The following RAB3IP variants were observed in gnomAD, a reference collection of about 807,000 sequenced individuals.
RAB3IP encodes rab-3A-interacting protein.
Under a neutral mutation model 59.1 loss-of-function variants are expected in RAB3IP, and 36 were observed. That is an observed-to-expected ratio of 0.61 (90% CI 0.47 to 0.80). The LOEUF is 0.80. Among genes scored for constraint, RAB3IP ranks in the 30% least tolerant of loss-of-function variants. The pLI is 0.00. For synonymous variants in RAB3IP, 207 were observed against 191.2 expected (o/e 1.08, Z -0.68); for missense variants, 511 against 536.0 (o/e 0.95, Z 0.46).
chr12:69,773,327 T>A lies in RAB3IP; in HGVS notation c.511-11393T>A, dbSNP rs373864385. Among the ~76,000 whole-genome samples the A allele has an allele frequency of 7.2e-5, 11 of 151,826 alleles. 1 individual carries two copies. In the East Asian group the frequency reaches 1.3e-3, roughly 19 times the overall value. Reference sequence around the variant, plus strand: ...ATCTTTGACTTTCCTTTATCTGGATTTTATTTTTCTTCAGGTTTTGAAAAT... The same window carrying A: ...ATCTTTGACTTTCCTTTATCTGGATATTATTTTTCTTCAGGTTTTGAAAAT... On this transcript the variant is annotated intron_variant, in intron 3 of 10. Coordinates refer to ENST00000247833, the MANE Select transcript of RAB3IP (RefSeq NM_022456.5).
At chr12:69,784,329 T>C (rs1362399763) in intron 3 of RAB3IP, among the ~76,000 whole-genome samples, 1 of 151,890 alleles carries the variant, frequency 6.6e-6, no homozygotes, top group East Asian at 1.9e-4. Flanking sequence ...ATAAAAAAAG[T>C]GTATTTTTAT....
At chr12:69,803,091 T>G (rs1352372305) in intron 8 of RAB3IP, among the ~76,000 whole-genome samples, 1 of 152,218 alleles carries the variant, frequency 6.6e-6, no homozygotes, top group East Asian at 1.9e-4. Context: ...TTGTAGAATT[T>G]AAAATTTGTG....
intron 3 of RAB3IP, among the ~76,000 whole-genome samples, chr12:69,760,870 TTGGTGTAG>T (rs1025803943): frequency 1.1e-3 from 163 of 152,316 alleles, no homozygotes; most frequent in African/African-American, 3.8e-3. Flanking sequence ...GTGATTTGCT[TTGGTGTAG>T]TTTCTTCAGC....
intron 8 of RAB3IP, among the ~76,000 whole-genome samples, chr12:69,802,109 T>C (rs1326765736): frequency 1.3e-5 from 2 of 151,762 alleles, no homozygotes; most frequent in African/African-American, 2.4e-5. Context: ...GACCTATTAG[T>C]GGATTGTGAA....
intron 3 of RAB3IP, 118 bp downstream of exon 3, chr12:69,756,781 T>C (rs1870307715): frequency 4.8e-6 from 4 of 833,526 alleles, no homozygotes; most frequent in African/African-American, 3.5e-5. Flanking sequence ...CCGTCACATA[T>C]GCCCAGCCTC....
chr12:69,784,869 C>A (rs1287349495), intron 4 of RAB3IP, 54 bp downstream of exon 4: 1 of 1,001,506 alleles, frequency 1.0e-6, no homozygotes, highest in African/African-American at 1.6e-5. Context: ...TATATATTGA[C>A]AAAATTGTAT....
chr12:69,750,333 AT>A (rs1181126747), intron 1 of RAB3IP, among the ~76,000 whole-genome samples: 2 of 152,290 alleles, frequency 1.3e-5, no homozygotes, highest in East Asian at 3.9e-4. Context: ...AAGTAATCTT[AT>A]TTCATCTATA....
At chr12:69,781,958 C>T (rs1874793360) in intron 3 of RAB3IP, among the ~76,000 whole-genome samples, 1 of 152,182 alleles carries the variant, frequency 6.6e-6, no homozygotes. Flanking sequence ...AACTATCTTC[C>T]AAAGTAGCTT....
chr12:69,793,194 A>G (rs1317436383), intron 4 of RAB3IP, among the ~76,000 whole-genome samples: 1 of 152,230 alleles, frequency 6.6e-6, no homozygotes, highest in East Asian at 1.9e-4. Flanking sequence ...ATAATAGTGC[A>G]TGGAATATCT....
At chr12:69,750,307 A>G (rs1272632363) in intron 1 of RAB3IP, among the ~76,000 whole-genome samples, 1 of 152,192 alleles carries the variant, frequency 6.6e-6, no homozygotes, top group Non-Finnish European at 1.5e-5. Context: ...TCCCTGGATT[A>G]TTTTGAAGCA....
rs1442467506 is a variant in RAB3IP at position 69,798,650 on chromosome 12, G to A, written c.889-1559G>A. On this transcript the variant is annotated intron_variant, in intron 6 of 10. Coordinates refer to ENST00000247833, the MANE Select transcript of RAB3IP (RefSeq NM_022456.5). ...ATAGGTTTTCTTCTAGGGTTTTTAT[G>A]GTTTTAGGTCTAACATTTAAGTCTT... is the stretch of plus-strand genomic sequence containing the variant. Among the ~76,000 whole-genome samples the A allele has an allele frequency of 5.3e-5, 8 of 152,172 alleles. No individual in the cohort carries two copies. The East Asian group carries it at 9.6e-4, about 18-fold the overall frequency.
At chr12:69,752,479 G>T (rs937805971) in intron 1 of RAB3IP, among the ~76,000 whole-genome samples, 1 of 152,064 alleles carries the variant, frequency 6.6e-6, no homozygotes. Context: ...TCATTATGAG[G>T]ATGTACCCTG....
At chr12:69,751,455 G>A (rs1869278488) in intron 1 of RAB3IP, among the ~76,000 whole-genome samples, 1 of 152,056 alleles carries the variant, frequency 6.6e-6, no homozygotes, top group Admixed American at 6.6e-5. Context: ...GTTGGTCAGC[G>A]TTGCTATGCT....
chr12:69,765,017 T>G (rs1871964944), intron 3 of RAB3IP, among the ~76,000 whole-genome samples: 1 of 152,202 alleles, frequency 6.6e-6, no homozygotes, highest in African/African-American at 2.4e-5. Flanking sequence ...CTGGAGTCAT[T>G]TATCAGTTCC....
At chr12:69,758,781 T>TTTTTA (rs398020051) in intron 3 of RAB3IP, among the ~76,000 whole-genome samples, 6 of 141,010 alleles carry the variant, frequency 4.3e-5, no homozygotes, top group Non-Finnish European at 9.3e-5. Context: ...TTTTTTTTTT[T>TTTTTA]ACAAGTTTTA....
chr12:69,779,420 C>T (rs972725236), intron 3 of RAB3IP, among the ~76,000 whole-genome samples: 1 of 152,222 alleles, frequency 6.6e-6, no homozygotes, highest in East Asian at 1.9e-4. Context: ...TGTTCCTATT[C>T]GGCCATCTTG....
Position 69,815,521 on chromosome 12 carries a change from T to C in RAB3IP, c.*75T>C, listed in dbSNP as rs896280682. The C allele has an allele frequency of 1.4e-4, 154 of 1,087,850 alleles. No individual in the cohort carries two copies. In the African/African-American group the frequency reaches 1.9e-3, roughly 13 times the overall value. 67.4% of individuals were successfully genotyped at this position (1,087,850 alleles called of 1,614,324 possible). A position where few individuals can be genotyped will look rare whatever the true frequency, so the allele number is the denominator to read the frequency against. On this transcript the variant is annotated 3_prime_UTR_variant, in exon 11 of 11. Coordinates refer to ENST00000247833, the MANE Select transcript of RAB3IP (RefSeq NM_022456.5). ...TGAATATTTTTATGGTTACTTGATA[T>C]TTATTTCCAAGGAGTGAGCCTAAGA...
chr12:69,739,887 A>T (rs1047065023), intron 1 of RAB3IP: 4 of 1,613,532 alleles, frequency 2.5e-6, no homozygotes, highest in Non-Finnish European at 2.5e-6. Flanking sequence ...CTTGAAAGAC[A>T]CGAGCGCTGA....
At chr12:69,787,400 T>A (rs1349022210) in intron 4 of RAB3IP, among the ~76,000 whole-genome samples, 4 of 152,146 alleles carry the variant, frequency 2.6e-5, no homozygotes, top group African/African-American at 9.7e-5. Context: ...TTTTAGTAAA[T>A]GTTTATGATA....
Sources: allele counts gnomAD v4.1 joint callset (sites outside exome capture counted in the v4.1 genomes callset), GRCh38; gene constraint gnomAD v4.1.1; transcripts MANE v1.5; gene names NCBI Gene and HGNC (gene_info 2026-07-23, HGNC 2026-07-21).